Variants in ECM2 observed in about 807,000 individuals in gnomAD.
The protein encoded by ECM2 is extracellular matrix protein 2.
In ECM2, 57 loss-of-function variants were observed where a neutral mutation model predicts 67.5. The observed-to-expected ratio is 0.84, with a 90% CI of 0.68 to 1.05. The LOEUF (loss-of-function observed/expected upper bound fraction) is 1.05. Ranked by LOEUF, ECM2 falls within the 50% of genes least tolerant of loss-of-function variation. The pLI is 0.00. For missense variants in ECM2, 741 were observed against 822.8 expected (o/e 0.90, Z 1.22); for synonymous variants, 258 against 294.5 (o/e 0.88, Z 1.27).
intron 1 of ECM2, among the ~76,000 whole-genome samples, chr9:92,530,028 A>G (rs555042139): frequency 6.0e-4 from 91 of 152,308 alleles, no homozygotes; most frequent in Admixed American, 1.3e-3. Flanking sequence ...TAGCCTATAC[A>G]GTGTATTAGG....
At chr9:92,501,698 C>T (rs1396846761) in intron 8 of ECM2, among the ~76,000 whole-genome samples, 1 of 152,210 alleles carries the variant, frequency 6.6e-6, no homozygotes, top group Non-Finnish European at 1.5e-5. Context: ...TCTCTGCCTA[C>T]AGTGGGCTCA....
At chr9:92,534,063 A>G (rs1849021764) in intron 1 of ECM2, among the ~76,000 whole-genome samples, 1 of 152,016 alleles carries the variant, frequency 6.6e-6, no homozygotes, top group Non-Finnish European at 1.5e-5. Context: ...TTTTTTTCCT[A>G]TACAAGCTCT....
intron 6 of ECM2, among the ~76,000 whole-genome samples, chr9:92,506,527 C>T (rs548893018): frequency 6.6e-6 from 1 of 152,278 alleles, no homozygotes; most frequent in Admixed American, 6.5e-5. Flanking sequence ...CCAAAATTCC[C>T]AGATTAGGGG....
chr9:92,517,547 G>T, intron 3 of ECM2, 140 bp downstream of exon 3: 1 of 1,123,830 alleles, frequency 8.9e-7, no homozygotes, highest in Non-Finnish European at 1.3e-6. Flanking sequence ...TATTTTCTAT[G>T]TTAATCAGCA....
At chr9:92,541,232 C>T (rs1849311438), upstream of ECM2, among the ~76,000 whole-genome samples, 1 of 152,180 alleles carries the variant, frequency 6.6e-6, no homozygotes, top group South Asian at 2.1e-4. Context: ...GCACGCCAGC[C>T]TGGGTGACAG....
In ECM2 at chr9:92,512,083, T is replaced by C; in HGVS notation, c.1098A>G (p.Leu366=). The change falls in exon 5 of 10, where the codon TTA becomes TTG. Residue 366 remains leucine, a synonymous_variant. Transcript: ENST00000344604. ...TCAGATCAAGCCTTTCCAAATTTGG[T>C]AATCCATTAAATGCTTCATCTGGGA... The part of the protein sequence containing the change: ...ASIPDEAFNG[L]PNLERLDLSK... The C allele has an allele frequency of 3.7e-6, 6 of 1,613,846 alleles. No individual in the cohort carries two copies. Among genetic ancestry groups the C allele is most frequent in the South Asian group, 3.3e-5 (3 of 91,056 alleles).
At chr9:92,507,993 T>C (rs1847106523) in intron 6 of ECM2, among the ~76,000 whole-genome samples, 1 of 152,144 alleles carries the variant, frequency 6.6e-6, no homozygotes, top group South Asian at 2.1e-4. Flanking sequence ...CTTTGTGCTG[T>C]TTTCTCTCCC....
chr9:92,496,427 T>A lies in ECM2; in HGVS notation c.1988A>T (p.Glu663Val), dbSNP rs1846347524. Residue 663 changes from glutamate to valine, a missense_variant, in exon 10 of 10, where the codon GAA (glutamate) becomes GTA (valine). Physicochemically the swap from Glu to Val is moderately radical, Grantham distance 121 (BLOSUM62 -2). Transcript: ENST00000344604. ...ATAATTGTTTTCAAGATGAAGATGT[T>A]CCAGATTTGAGTCATCATCCTCTTC... ...NAEEDDDSNL[E>V]HLHLENNYIK... 1 of 1,609,460 alleles carries A rather than the reference T, an allele frequency of 6.2e-7. No individual in the cohort carries two copies. The highest frequency in any genetic ancestry group is 1.7e-5 in the Admixed American group (1 of 59,334).
At position 92,495,676 on chromosome 9, in the gene ECM2, C is replaced by G. The variant is rs961253479; in HGVS notation, c.*639G>C. ...ATAGAATTTATGCACACCCTTCTGC[C>G]AGCTTTCCTTAATGTTAACAATGTA... On this transcript the variant is annotated 3_prime_UTR_variant, in exon 10 of 10. Transcript: ENST00000344604. The G allele has an allele frequency of 1.1e-6, 1 of 887,270 alleles. No homozygotes were observed. The highest frequency in any genetic ancestry group is 1.2e-4 in the East Asian group (1 of 8,354). 55.0% of individuals were successfully genotyped at this position (887,270 alleles called of 1,614,324 possible).
chr9:92,507,794 T>G (rs1295339214), intron 6 of ECM2, among the ~76,000 whole-genome samples: 1 of 152,138 alleles, frequency 6.6e-6, no homozygotes, highest in Admixed American at 6.6e-5. Context: ...TCTCTCTCAA[T>G]TGTAAGTCCT....
At position 92,517,796 on chromosome 9, in the gene ECM2, G is replaced by A. The variant is rs1847818404; in HGVS notation, c.372C>T (p.Cys124=). Residue 124 remains cysteine, a synonymous_variant, in exon 3 of 10, where the codon TGC becomes TGT. Coordinates refer to ENST00000344604, the MANE Select transcript of ECM2 (RefSeq NM_001393.4). ...AVWSPEPCTT[C]LCSDGRVLCD... ...AAAGAACTCTTCCATCTGAGCAGAGGCAGGTAGTGCAGGGCTCAGGCGACC... is the reference window on the plus strand; with the variant it reads ...AAAGAACTCTTCCATCTGAGCAGAGACAGGTAGTGCAGGGCTCAGGCGACC... The A allele has an allele frequency of 1.9e-6, 3 of 1,614,220 alleles. No individual in the cohort carries two copies. The highest frequency in any genetic ancestry group is 2.2e-5 in the South Asian group (2 of 91,074).
At chr9:92,512,186 G>T in intron 4 of ECM2, 60 bp from the exon 5 acceptor site, 1 of 1,128,470 alleles carries the variant, frequency 8.9e-7, no homozygotes, top group Non-Finnish European at 1.3e-6. Context: ...GTACACACAT[G>T]TATGGGCATG....
intron 7 of ECM2, among the ~76,000 whole-genome samples, chr9:92,503,276 C>G (rs230222): frequency 0.41 from 62,498 of 152,052 alleles, 15,403 homozygotes; most frequent in East Asian, 0.8. Flanking sequence ...CTTAAAAACT[C>G]TGAAAAGTAG....
At chr9:92,531,440 T>C (rs1848744127) in intron 1 of ECM2, among the ~76,000 whole-genome samples, 1 of 152,224 alleles carries the variant, frequency 6.6e-6, no homozygotes, top group Non-Finnish European at 1.5e-5. Flanking sequence ...ATTATATATG[T>C]ATTTTTAAAC....
chr9:92,522,828 G>T lies in ECM2; in HGVS notation c.39C>A (p.Ile13=), dbSNP rs1229904786. 4 of 1,609,676 alleles carry T rather than the reference G, an allele frequency of 2.5e-6. No individual in the cohort carries two copies. In the Admixed American group the frequency reaches 6.7e-5, roughly 27 times the overall value. The change falls in exon 2 of 10, where the codon ATC becomes ATA. Residue 13 remains isoleucine (I), a synonymous_variant. Coordinates refer to ENST00000344604, the MANE Select transcript of ECM2 (RefSeq NM_001393.4). ...TTTTTCCAAAGTCAGTTTGAAAAAT[G>T]ATAAGCAGAAAAAAACAAAACAAAA... is the stretch of plus-strand genomic sequence containing the variant. The part of the protein sequence containing the change: ...IAVLFCFFLL[I]IFQTDFGKNE...
chr9:92,499,365 A>C (rs866781401), intron 9 of ECM2, among the ~76,000 whole-genome samples: 2 of 152,270 alleles, frequency 1.3e-5, no homozygotes, highest in African/African-American at 4.8e-5. Flanking sequence ...ATGAGCAAAA[A>C]ATTTTTTACA....
the ECM2 span, among the ~76,000 whole-genome samples, chr9:92,543,875 A>T: frequency 6.6e-6 from 1 of 152,080 alleles, no homozygotes; most frequent in African/African-American, 2.4e-5. Context: ...TGATTTTTGT[A>T]TGTTGATTTT....
At chr9:92,532,013 A>ATTTT (rs1368397928) in intron 1 of ECM2, among the ~76,000 whole-genome samples, 18 of 68,930 alleles carry the variant, frequency 2.6e-4, no homozygotes, top group African/African-American at 1.1e-3. Flanking sequence ...TTTTTATTTA[A>ATTTT]TGTTTTTTTT....
chr9:92,506,887 C>CT (rs1047585430), intron 6 of ECM2, among the ~76,000 whole-genome samples: 4 of 151,960 alleles, frequency 2.6e-5, no homozygotes, highest in Non-Finnish European at 4.4e-5. Context: ...CTGGGAGGGC[C>CT]TTTTTTTACA....
Sources: gnomAD v4.1 joint callset for allele counts (sites outside exome capture counted in the v4.1 genomes callset) on GRCh38, gnomAD v4.1.1 for gene constraint, MANE v1.5 for transcripts, NCBI Gene and HGNC (gene_info 2026-07-23, HGNC 2026-07-21) for gene names.